Variants in NRXN1 observed in about 807,000 individuals in gnomAD.
NRXN1 encodes neurexin 1.
Under a neutral mutation model 150.9 loss-of-function variants are expected in NRXN1, and 39 were observed. The observed-to-expected ratio is 0.26, with a 90% CI of 0.20 to 0.34. The LOEUF is 0.34. Among genes scored for constraint, NRXN1 ranks in the 10% least tolerant of loss-of-function variants. The pLI, the probability that NRXN1 is intolerant of heterozygous loss-of-function variation, is 1.00. For synonymous variants in NRXN1, 924 were observed against 757.0 expected, an observed-to-expected ratio of 1.22 and a Z score of -3.62; for missense variants, 1,815 against 1,949.9, an observed-to-expected ratio of 0.93 and a Z score of 1.30.
chr2:50,881,363 G>C (rs934933964), intron 5 of NRXN1, among the ~76,000 whole-genome samples: 6 of 151,904 alleles, frequency 3.9e-5, no homozygotes, highest in African/African-American at 1.4e-4. Flanking sequence ...CTTTCCTAAA[G>C]ACATGAAAAA....
chr2:50,779,385 A>T (rs907895796), intron 5 of NRXN1, among the ~76,000 whole-genome samples: 9 of 152,170 alleles, frequency 5.9e-5, no homozygotes, highest in Non-Finnish European at 8.8e-5. Context: ...ATTCCATGGT[A>T]TATATGTGCC....
chr2:50,773,481 A>G (rs1264664404), intron 5 of NRXN1, among the ~76,000 whole-genome samples: 2 of 152,168 alleles, frequency 1.3e-5, no homozygotes, highest in African/African-American at 4.8e-5. Flanking sequence ...GAAATAAATG[A>G]CCTGCACCAC....
intron 21 of NRXN1, among the ~76,000 whole-genome samples, chr2:49,961,320 GCACACACA>G (rs71401054): frequency 1.4e-5 from 2 of 145,780 alleles, no homozygotes; most frequent in East Asian, 4.1e-4. Flanking sequence ...GCGCACGCAT[GCACACACA>G]CACACACACA....
intron 2 of NRXN1, among the ~76,000 whole-genome samples, chr2:51,007,702 C>T (rs907397861): frequency 2.0e-5 from 3 of 151,838 alleles, no homozygotes; most frequent in South Asian, 4.1e-4. Flanking sequence ...CTTTCTTAAA[C>T]TGAGTAAATC....
chr2:50,438,308 G>A (rs1256659477), intron 17 of NRXN1, among the ~76,000 whole-genome samples: 1 of 152,166 alleles, frequency 6.6e-6, no homozygotes, highest in African/African-American at 2.4e-5. Flanking sequence ...CCCAGATGGA[G>A]AAAACTAGGA....
rs549620177 is a variant in NRXN1 at position 50,112,393 on chromosome 2, T to G, written c.3547-20899A>C. On this transcript the variant is annotated intron_variant, in intron 18 of 22. Coordinates refer to ENST00000401669, the MANE Select transcript of NRXN1 (RefSeq NM_001330078.2). ...CTCTTCATCTGTCATTACACCATCTTACTGAAGCTGGTCCCTTCGTTGTTC... is the reference window on the plus strand; with the variant it reads ...CTCTTCATCTGTCATTACACCATCTGACTGAAGCTGGTCCCTTCGTTGTTC... Among the ~76,000 whole-genome samples the G allele has an allele frequency of 4.6e-5, 7 of 152,338 alleles. No homozygotes were observed. The East Asian group carries it at 1.4e-3, about 29-fold the overall frequency.
Position 50,497,695 on chromosome 2 carries a change from A to G in NRXN1, c.2517T>C (p.His839=). The G allele has an allele frequency of 6.2e-7, 1 of 1,611,052 alleles. No homozygotes were observed. Among genetic ancestry groups the G allele is most frequent in the Non-Finnish European group, 8.5e-7 (1 of 1,177,720 alleles). Residue 839 remains histidine (H), a synonymous_variant, in exon 14 of 23, where the codon CAT becomes CAC. Coordinates refer to ENST00000401669, the MANE Select transcript of NRXN1 (RefSeq NM_001330078.2). ...QAMTGQMAGD[H]TRLEFHNIET... ...CTATGTTATGGAACTCCAGCCTAGT[A>G]TGATCACCTGCCATTTGACCTAAAA...
At chr2:50,828,703 G>A (rs1197023782) in intron 5 of NRXN1, among the ~76,000 whole-genome samples, 1 of 151,664 alleles carries the variant, frequency 6.6e-6, no homozygotes, top group East Asian at 2.0e-4. Flanking sequence ...TCACTTCCTA[G>A]ATGGGATGGC....
At chr2:50,405,402 A>T (rs902749673) in intron 17 of NRXN1, among the ~76,000 whole-genome samples, 1 of 152,156 alleles carries the variant, frequency 6.6e-6, no homozygotes, top group African/African-American at 2.4e-5. Context: ...AGAAACCAAC[A>T]ATCTCCAAGA....
intron 5 of NRXN1, among the ~76,000 whole-genome samples, chr2:50,758,802 A>G (rs1305763895): frequency 6.6e-6 from 1 of 151,876 alleles, no homozygotes; most frequent in East Asian, 1.9e-4. Context: ...TCACTCATCT[A>G]TTCGCACCAA....
chr2:50,648,470 G>A (rs1308095236), intron 5 of NRXN1, among the ~76,000 whole-genome samples: 1 of 151,920 alleles, frequency 6.6e-6, no homozygotes, highest in Non-Finnish European at 1.5e-5. Context: ...CTATCACACT[G>A]ATAAAGATCA....
rs754955469 is a variant in NRXN1 at position 50,091,310 on chromosome 2, T to A, written c.3718+13A>T. 2 of 1,614,014 alleles carry A rather than the reference T, an allele frequency of 1.2e-6. No individual in the cohort carries two copies. Among genetic ancestry groups the A allele is most frequent in the South Asian group, 2.2e-5 (2 of 91,092 alleles). On this transcript the variant is annotated intron_variant, in intron 19 of 22. Coordinates refer to ENST00000401669, the MANE Select transcript of NRXN1 (RefSeq NM_001330078.2). ...TCATAAAATCTTCCCCCGATACATATTCACTTGCTTACCTGCAGGGTAGCG... is the reference window on the plus strand; with the variant it reads ...TCATAAAATCTTCCCCCGATACATAATCACTTGCTTACCTGCAGGGTAGCG...
At chr2:49,953,871 G>A (rs904617044) in intron 21 of NRXN1, among the ~76,000 whole-genome samples, 1 of 151,934 alleles carries the variant, frequency 6.6e-6, no homozygotes, top group Non-Finnish European at 1.5e-5. Context: ...TGGGGGACAA[G>A]GGGAGGGAGA....
At position 50,346,342 on chromosome 2, in the gene NRXN1, C is replaced by T. The variant is rs528980766; in HGVS notation, c.3365-109372G>A. Among the ~76,000 whole-genome samples the T allele has an allele frequency of 3.3e-5, 5 of 152,266 alleles. No homozygotes were observed. The highest frequency in any genetic ancestry group is 4.8e-5 in the African/African-American group (2 of 41,574). ...CTGGTGCTCAGGTCCCTTAGCTGAG[C>T]GCGGCGCCCCATCCGGCCACTGAGT... On this transcript the variant is annotated intron_variant, in intron 17 of 22. Coordinates refer to ENST00000401669, the MANE Select transcript of NRXN1 (RefSeq NM_001330078.2). This position sits in a 1 kb window ranked among gnomAD's most constrained non-coding sequence, Gnocchi z 5.0.
chr2:50,361,435 C>G (rs2079180849), intron 17 of NRXN1, among the ~76,000 whole-genome samples: 1 of 152,106 alleles, frequency 6.6e-6, no homozygotes, highest in Non-Finnish European at 1.5e-5. Flanking sequence ...GGGGATATCA[C>G]CACTGATCCC....
At chr2:50,812,781 T>A (rs1330678730) in intron 5 of NRXN1, among the ~76,000 whole-genome samples, 1 of 148,864 alleles carries the variant, frequency 6.7e-6, no homozygotes, top group Non-Finnish European at 1.5e-5. Flanking sequence ...CTATAAACTT[T>A]GAGAGGGGAA....
chr2:50,623,802 ATACTTT>A (rs1680493350), intron 5 of NRXN1, among the ~76,000 whole-genome samples, 187 bp from the exon 6 acceptor site: 1 of 152,058 alleles, frequency 6.6e-6, no homozygotes, highest in East Asian at 1.9e-4. Context: ...TATTATTATT[ATACTTT>A]AAGTTTTAGG....
At chr2:50,560,866 A>G (rs988025222) in intron 8 of NRXN1, among the ~76,000 whole-genome samples, 3 of 152,202 alleles carry the variant, frequency 2.0e-5, no homozygotes, top group African/African-American at 4.8e-5. Context: ...TCAATAAAAT[A>G]TGTTATCTTC....
At chr2:50,534,786 T>A (rs1199892912) in intron 10 of NRXN1, among the ~76,000 whole-genome samples, 1 of 152,172 alleles carries the variant, frequency 6.6e-6, no homozygotes, top group African/African-American at 2.4e-5. Context: ...AATAATCACA[T>A]TTTTGAAATA....
Sources: gnomAD v4.1 joint callset for allele counts (sites outside exome capture counted in the v4.1 genomes callset) on GRCh38, gnomAD v4.1.1 for gene constraint, Gnocchi (gnomAD v3.1) non-coding constraint, MANE v1.5 for transcripts, NCBI Gene and HGNC (gene_info 2026-07-23, HGNC 2026-07-21) for gene names.